Variants in CAMK1D observed in about 807,000 individuals in gnomAD.
CAMK1D encodes the protein calcium/calmodulin dependent protein kinase ID.
Under a neutral mutation model 47.7 loss-of-function variants are expected in CAMK1D, and 9 were observed. That is an observed-to-expected ratio of 0.19 (90% CI 0.11 to 0.33). The LOEUF (loss-of-function observed/expected upper bound fraction) is 0.33, where lower values mean the gene tolerates loss of function less well. Ranked by LOEUF, CAMK1D falls within the 10% of genes least tolerant of loss-of-function variation. The pLI, the probability that CAMK1D is intolerant of heterozygous loss-of-function variation, is 1.00. For synonymous variants in CAMK1D, 184 were observed against 184.9 expected (o/e 0.99, Z 0.04); for missense variants, 291 against 488.7 (o/e 0.60, Z 3.81).
chr10:12,761,798 A>G (rs1564542411), intron 4 of CAMK1D, among the ~76,000 whole-genome samples: 1 of 152,178 alleles, frequency 6.6e-6, no homozygotes, highest in African/African-American at 2.4e-5. Flanking sequence ...AGGCAGGAGA[A>G]TCGTTTGAAC....
chr10:12,722,793 G>A lies in CAMK1D; in HGVS notation c.300-38155G>A, dbSNP rs540662266. Among the ~76,000 whole-genome samples, 3 of 152,334 alleles carry A rather than the reference G, an allele frequency of 2.0e-5. No homozygotes were observed. In the South Asian group the frequency reaches 6.2e-4, roughly 32 times the overall value. ...GGCGGAAACAGAAATGTAAGGCATGGCCCTGATCACTAAAAAGGATGTGAT... is the reference window on the plus strand; with the variant it reads ...GGCGGAAACAGAAATGTAAGGCATGACCCTGATCACTAAAAAGGATGTGAT... On this transcript the variant is annotated intron_variant, in intron 3 of 10. Transcript: ENST00000619168.
intron 1 of CAMK1D, among the ~76,000 whole-genome samples, chr10:12,453,813 G>A (rs1405001244): frequency 1.3e-5 from 2 of 152,158 alleles, no homozygotes. Context: ...TGCCTGTTTT[G>A]TTCTGAGTTG....
At chr10:12,767,273 G>T (rs1378689229) in intron 4 of CAMK1D, among the ~76,000 whole-genome samples, 1 of 152,164 alleles carries the variant, frequency 6.6e-6, no homozygotes, top group Non-Finnish European at 1.5e-5. Context: ...CGCCTCCCAG[G>T]TTCAAGTGAT....
chr10:12,819,986 G>A (rs1164543360), intron 8 of CAMK1D, among the ~76,000 whole-genome samples: 2 of 152,266 alleles, frequency 1.3e-5, no homozygotes, highest in South Asian at 2.1e-4. Context: ...TACGGGACTC[G>A]GGGGAAGATT....
chr10:12,503,800 C>G (rs758201142), intron 1 of CAMK1D, among the ~76,000 whole-genome samples: 2 of 152,140 alleles, frequency 1.3e-5, no homozygotes, highest in African/African-American at 2.4e-5. Context: ...GATGGAAGAT[C>G]AGGTTCGAGT....
chr10:12,774,807 G>C (rs1229027457), intron 5 of CAMK1D, among the ~76,000 whole-genome samples: 1 of 152,250 alleles, frequency 6.6e-6, no homozygotes, highest in African/African-American at 2.4e-5. Context: ...GATTTAGGTT[G>C]CGCGCTCCTT....
chr10:12,687,722 G>C (rs1027492409), intron 3 of CAMK1D, among the ~76,000 whole-genome samples: 4 of 152,220 alleles, frequency 2.6e-5, no homozygotes, highest in Non-Finnish European at 4.4e-5. Flanking sequence ...AGCAAAGCCA[G>C]ATCTCTCAAT....
intron 1 of CAMK1D, among the ~76,000 whole-genome samples, chr10:12,433,252 C>T (rs1217860583): frequency 6.6e-6 from 1 of 152,114 alleles, no homozygotes; most frequent in East Asian, 1.9e-4. Flanking sequence ...TTGCCTACCA[C>T]GTTTGTGGAG....
intron 1 of CAMK1D, among the ~76,000 whole-genome samples, chr10:12,431,238 A>G (rs1309841805): frequency 6.6e-6 from 1 of 152,248 alleles, no homozygotes; most frequent in Non-Finnish European, 1.5e-5. Flanking sequence ...TTTGTCGGGA[A>G]GTTATCAAAC....
At chr10:12,424,767 C>A (rs914322746) in intron 1 of CAMK1D, among the ~76,000 whole-genome samples, 1 of 152,108 alleles carries the variant, frequency 6.6e-6, no homozygotes, top group Non-Finnish European at 1.5e-5. Context: ...CATAATTGCA[C>A]CATTGCACTC....
At chr10:12,731,785 A>G (rs911817391) in intron 3 of CAMK1D, among the ~76,000 whole-genome samples, 1 of 152,084 alleles carries the variant, frequency 6.6e-6, no homozygotes, top group Admixed American at 6.5e-5. Context: ...TGGGTGTTAG[A>G]AGGAGTGGGC....
At chr10:12,419,760 T>C (rs775058279) in intron 1 of CAMK1D, among the ~76,000 whole-genome samples, 5 of 152,098 alleles carry the variant, frequency 3.3e-5, no homozygotes, top group Non-Finnish European at 7.3e-5. Flanking sequence ...TTTGTATATG[T>C]TGGGTTTTCT....
intron 1 of CAMK1D, among the ~76,000 whole-genome samples, chr10:12,397,420 C>A (rs1839001352): frequency 3.3e-5 from 5 of 152,164 alleles, no homozygotes; most frequent in Non-Finnish European, 2.9e-5. Flanking sequence ...CTTCTCTTCC[C>A]CCACACGGCT....
intron 2 of CAMK1D, among the ~76,000 whole-genome samples, chr10:12,567,461 C>T (rs559393017): frequency 2.8e-4 from 43 of 152,298 alleles, no homozygotes; most frequent in Admixed American, 8.5e-4. Context: ...CATCTAGAGA[C>T]GTTCACGGTT....
chr10:12,555,376 A>G (rs543703903), intron 2 of CAMK1D, among the ~76,000 whole-genome samples: 1 of 152,218 alleles, frequency 6.6e-6, no homozygotes, highest in East Asian at 1.9e-4. Context: ...TTGAGAACAA[A>G]CAGGTCTCTT....
intron 2 of CAMK1D, among the ~76,000 whole-genome samples, chr10:12,652,591 A>G (rs1840009092): frequency 6.6e-6 from 1 of 152,132 alleles, no homozygotes. Flanking sequence ...CCATCTCGAA[A>G]AAAAAAAGAA....
At chr10:12,540,939 T>TA (rs201270883) in intron 1 of CAMK1D, among the ~76,000 whole-genome samples, 2 of 149,878 alleles carry the variant, frequency 1.3e-5, no homozygotes, top group Non-Finnish European at 3.0e-5. Flanking sequence ...TTTTTTTTTT[T>TA]AAGAAAAAGA....
chr10:12,585,026 G>A (rs917140480), intron 2 of CAMK1D, among the ~76,000 whole-genome samples: 1 of 152,180 alleles, frequency 6.6e-6, no homozygotes, highest in Admixed American at 6.5e-5. Context: ...GGACTGCTGG[G>A]CAGCTAGGTT....
intron 1 of CAMK1D, among the ~76,000 whole-genome samples, chr10:12,527,949 T>C (rs1835680684): frequency 6.6e-6 from 1 of 152,248 alleles, no homozygotes; most frequent in African/African-American, 2.4e-5. Flanking sequence ...AATATTTTTT[T>C]GGCATTTGAT....
Sources: gnomAD v4.1 joint callset for allele counts (sites outside exome capture counted in the v4.1 genomes callset) on GRCh38, gnomAD v4.1.1 for gene constraint, MANE v1.5 for transcripts, NCBI Gene and HGNC (gene_info 2026-07-23, HGNC 2026-07-21) for gene names.